The following MCF2L variants were observed in gnomAD, a reference collection of about 807,000 sequenced individuals.
MCF2L encodes the protein guanine nucleotide exchange factor DBS.
In MCF2L, 97 loss-of-function variants were observed where a neutral mutation model predicts 153.4. That is an observed-to-expected ratio of 0.63 (90% confidence interval 0.54 to 0.75). MCF2L has a LOEUF of 0.75. Among genes scored for constraint, MCF2L ranks in the 30% least tolerant of loss-of-function variants. The pLI, the probability that MCF2L is intolerant of heterozygous loss-of-function variation, is 0.00. For missense variants in MCF2L, 1,347 were observed against 1,495.2 expected, an observed-to-expected ratio of 0.90 and a Z score of 1.64; for synonymous variants, 659 against 632.2, an observed-to-expected ratio of 1.04 and a Z score of -0.64.
chr13:112,923,223 A>G (rs1384040761), intron 2 of MCF2L, among the ~76,000 whole-genome samples: 1 of 141,958 alleles, frequency 7.0e-6, no homozygotes, highest in African/African-American at 2.6e-5. Context: ...CAGACAGGCT[A>G]CCCTTTTATC....
At position 112,997,961 on chromosome 13, in the gene MCF2L, G is replaced by A. The variant is rs143092028; in HGVS notation, c.80-16802G>A. On this transcript the variant is annotated intron_variant, in intron 1 of 29. Transcript: ENST00000535094. ...CTTGGCTGAGGTGCTGGGCCTGCCC[G>A]CAGCAGCAGCTGTATGAAGCCGGTG... is the stretch of plus-strand genomic sequence containing the variant. Among the ~76,000 whole-genome samples the A allele has an allele frequency of 4.3e-3, 660 of 152,348 alleles. 7 individuals carry two copies. Among genetic ancestry groups the A allele is most frequent in the African/African-American group, 0.015 (607 of 41,578 alleles).
rs1034501999 is a variant in MCF2L at position 112,943,328 on chromosome 13, C to T, written c.169+40957C>T. ...CTGTGGTTGGGGGGTCGCGGTCGAG[C>T]TCTAGGGCCCCCGGCCGCAGAGCCC... On this transcript the variant is annotated intron_variant, in intron 2 of 29. Coordinates refer to the MCF2L transcript ENST00000375608. The surrounding 1 kb of genome is among the most constrained non-coding windows in gnomAD (Gnocchi z 4.2). Among the ~76,000 whole-genome samples, 3 of 152,192 alleles carry T rather than the reference C, an allele frequency of 2.0e-5. No homozygotes were observed. Among genetic ancestry groups the T allele is most frequent in the Non-Finnish European group, 4.4e-5 (3 of 68,012 alleles).
intron 1 of MCF2L, among the ~76,000 whole-genome samples, chr13:112,980,381 C>A (rs2140898280): frequency 6.6e-6 from 1 of 152,380 alleles, no homozygotes; most frequent in Non-Finnish European, 1.5e-5. Context: ...GACCTGGAAC[C>A]ACGGTGGGCT....
chr13:113,054,112 T>C lies in MCF2L; in HGVS notation c.370-6481T>C, dbSNP rs2087561810. Among the ~76,000 whole-genome samples the C allele has an allele frequency of 6.6e-6, 1 of 152,118 alleles. No homozygotes were observed. The highest frequency in any genetic ancestry group is 6.5e-5 in the Admixed American group (1 of 15,272). On this transcript the variant is annotated intron_variant, in intron 4 of 29. Transcript: ENST00000535094. This position sits in a 1 kb window ranked among gnomAD's most constrained non-coding sequence, Gnocchi z 5.2. ...GAGACGGCGAGCTCCCTCCCATCAA[T>C]CAATCAACAGACTGTCCTATTTTCA...
intron 2 of MCF2L, chr13:112,957,883 A>G (rs1223162717): frequency 6.6e-6 from 1 of 152,160 alleles, no homozygotes. Context: ...ATTTAATTTT[A>G]TCACTTAGTT....
rs2085757276 is a variant in MCF2L, at chr13:113,031,992, C to T, written c.278+7234C>T. ...CACACACATGCAAGTGCATGCATAC[C>T]CCCCCACAGACCTGCACATGTACAC... is the stretch of plus-strand genomic sequence containing the variant. On this transcript the variant is annotated intron_variant, in intron 3 of 29. Coordinates refer to ENST00000535094, the MANE Select transcript of MCF2L (RefSeq NM_001112732.3). The surrounding 1 kb of genome is among the most constrained non-coding windows in gnomAD (Gnocchi z 5.5). Among the ~76,000 whole-genome samples the T allele has an allele frequency of 6.6e-6, 1 of 152,152 alleles. No individual in the cohort carries two copies. The highest frequency in any genetic ancestry group is 1.9e-4 in the East Asian group (1 of 5,190).
intron 12 of MCF2L, among the ~76,000 whole-genome samples, chr13:113,076,446 T>TGTGTGTGA: frequency 6.6e-6 from 1 of 151,906 alleles, no homozygotes. Flanking sequence ...TGTATTTTTA[T>TGTGTGTGA]TAGAGACAGG....
rs947839242 is a variant in MCF2L, at chr13:113,098,628, G to A, written c.*1769G>A. The A allele has an allele frequency of 1.3e-5, 2 of 152,320 alleles. No individual in the cohort carries two copies. Among genetic ancestry groups the A allele is most frequent in the African/African-American group, 2.4e-5 (1 of 41,480 alleles). The allele number at this position is 152,320 out of a possible 1,614,324, so 9.4% of individuals were successfully genotyped here. A position where few individuals can be genotyped will look rare whatever the true frequency, so the allele number is the denominator to read the frequency against. On this transcript the variant is annotated 3_prime_UTR_variant, in exon 30 of 30. Transcript: ENST00000535094. ...GCCGCAGTGCACTGTGCTTGCACAT[G>A]GTAAGTCATTGTTGGGACGGAAAAG...
intron 3 of MCF2L, among the ~76,000 whole-genome samples, chr13:113,033,078 T>C (rs1168277686): frequency 6.9e-6 from 1 of 145,368 alleles, no homozygotes; most frequent in Non-Finnish European, 1.5e-5. Flanking sequence ...GTGACATTAG[T>C]GGACCCCGTG....
chr13:112,902,644 T>C (rs1302910054), intron 2 of MCF2L, among the ~76,000 whole-genome samples: 3 of 152,212 alleles, frequency 2.0e-5, no homozygotes, highest in Non-Finnish European at 4.4e-5. Context: ...TTAAAATGAG[T>C]TTGGCTCCGG....
At chr13:112,975,556 C>T (rs907090685) in intron 1 of MCF2L, among the ~76,000 whole-genome samples, 23 of 152,274 alleles carry the variant, frequency 1.5e-4, no homozygotes, top group African/African-American at 5.3e-4. Flanking sequence ...TGTGGGGACC[C>T]GTTTGCTGTT....
intron 3 of MCF2L, among the ~76,000 whole-genome samples, chr13:113,033,049 CATGACGTGAGTGGCCCCT>C (rs2085836825): frequency 6.9e-6 from 1 of 145,110 alleles, no homozygotes; most frequent in Non-Finnish European, 1.5e-5. Flanking sequence ...GAGTGGCCCC[CATGACGTGAGTGGCCCCT>C]GTGACATTAG....
chr13:113,091,437 C>T (rs765732831), intron 26 of MCF2L, among the ~76,000 whole-genome samples: 2 of 152,238 alleles, frequency 1.3e-5, no homozygotes, highest in Non-Finnish European at 2.9e-5. Flanking sequence ...CTGCCCACCC[C>T]GTCGGTGGCT....
intron 2 of MCF2L, among the ~76,000 whole-genome samples, chr13:113,023,866 C>T (rs1170165540): frequency 6.6e-6 from 1 of 152,230 alleles, no homozygotes; most frequent in Non-Finnish European, 1.5e-5. Context: ...TGGGTACTGG[C>T]CTCCTCAGAG....
intron 2 of MCF2L, among the ~76,000 whole-genome samples, chr13:112,940,403 G>A (rs1481332336): frequency 3.9e-5 from 6 of 152,180 alleles, no homozygotes; most frequent in East Asian, 3.9e-4. Flanking sequence ...GCAGAATTCC[G>A]GGGGCGCCAG....
At chr13:112,952,100 A>G (rs1172149140) in intron 2 of MCF2L, among the ~76,000 whole-genome samples, 5 of 152,258 alleles carry the variant, frequency 3.3e-5, no homozygotes, top group African/African-American at 1.2e-4. Flanking sequence ...GGTTAATTCA[A>G]TTTCAGTGAC....
At chr13:113,062,454 C>T (rs956580953) in intron 5 of MCF2L, among the ~76,000 whole-genome samples, 1 of 152,052 alleles carries the variant, frequency 6.6e-6, no homozygotes, top group Admixed American at 6.5e-5. Flanking sequence ...TGCTATTTGG[C>T]AGGCACTGCA....
intron 26 of MCF2L, among the ~76,000 whole-genome samples, chr13:113,091,695 G>A (rs529204876): frequency 1.1e-4 from 16 of 150,480 alleles, no homozygotes; most frequent in East Asian, 4.4e-4. Flanking sequence ...TTCCCGGGCC[G>A]ACGAGGCTGA....
intron 4 of MCF2L, among the ~76,000 whole-genome samples, chr13:113,055,224 T>G (rs1344315854): frequency 2.0e-5 from 3 of 152,116 alleles, no homozygotes; most frequent in Non-Finnish European, 4.4e-5. Context: ...ATCCAATAAC[T>G]TAAAATACGA....
Sources: gnomAD v4.1 joint callset for allele counts (sites outside exome capture counted in the v4.1 genomes callset) on GRCh38, gnomAD v4.1.1 for gene constraint, Gnocchi (gnomAD v3.1) non-coding constraint, MANE v1.5 for transcripts, NCBI Gene and HGNC (gene_info 2026-07-23, HGNC 2026-07-21) for gene names.